The following LRP1B variants were observed in gnomAD, a reference collection of about 807,000 sequenced individuals.
The protein encoded by LRP1B is low-density lipoprotein receptor-related protein 1B.
In LRP1B, 217 loss-of-function variants were observed where a neutral mutation model predicts 556.6. The observed-to-expected ratio is 0.39, with a 90% CI of 0.35 to 0.44. The LOEUF (loss-of-function observed/expected upper bound fraction) is 0.44, where lower values mean the gene tolerates loss of function less well. Ranked by LOEUF, LRP1B falls within the 20% of genes least tolerant of loss-of-function variation. LRP1B has a pLI of 1.00. For synonymous variants in LRP1B, 2,047 were observed against 1,865.8 expected (o/e 1.10, Z -2.50); for missense variants, 5,053 against 5,620.8 (o/e 0.90, Z 3.23).
chr2:140,354,529 A>G (rs931328338), intron 75 of LRP1B, among the ~76,000 whole-genome samples: 1 of 152,208 alleles, frequency 6.6e-6, no homozygotes, highest in Admixed American at 6.6e-5. Flanking sequence ...TCACGATTAC[A>G]ACAAATATTT....
At chr2:141,103,555 T>C (rs1291323708) in intron 7 of LRP1B, among the ~76,000 whole-genome samples, 1 of 146,330 alleles carries the variant, frequency 6.8e-6, no homozygotes, top group East Asian at 1.9e-4. Context: ...CAGCTGGTGA[T>C]TGAAAACAAG....
chr2:140,734,763 G>A (rs1463014085), intron 35 of LRP1B, among the ~76,000 whole-genome samples: 1 of 151,708 alleles, frequency 6.6e-6, no homozygotes, highest in Non-Finnish European at 1.5e-5. Context: ...TACTAACGGA[G>A]GCCCTTTCCT....
At chr2:142,091,084 A>G (rs1049832281) in intron 1 of LRP1B, among the ~76,000 whole-genome samples, 2 of 152,098 alleles carry the variant, frequency 1.3e-5, no homozygotes, top group Admixed American at 1.3e-4. Context: ...AGTAGATAAA[A>G]TCTGCCTGAA....
At chr2:141,766,188 A>C (rs1694727380) in intron 2 of LRP1B, among the ~76,000 whole-genome samples, 1 of 152,218 alleles carries the variant, frequency 6.6e-6, no homozygotes, top group Non-Finnish European at 1.5e-5. Flanking sequence ...ATAGATTTTC[A>C]GGCAGCTTAA....
rs78366782 is a variant in LRP1B, at chr2:140,700,704, T to G, written c.6428-83A>C. ...AACAAAATTCTCCATAAAGAAATATTAAAACTTTGATGTTGAATATTCTCT... is the reference window on the plus strand; with the variant it reads ...AACAAAATTCTCCATAAAGAAATATGAAAACTTTGATGTTGAATATTCTCT... On this transcript the variant is annotated intron_variant, in intron 40 of 90. Coordinates refer to ENST00000389484, the MANE Select transcript of LRP1B (RefSeq NM_018557.3). 22,584 of 1,406,388 alleles carry G rather than the reference T, an allele frequency of 0.016. 1,423 individuals carry two copies. The East Asian group carries it at 0.23, about 14-fold the overall frequency. The allele number at this position is 1,406,388 out of a possible 1,614,324, so 87.1% of individuals were successfully genotyped here.
rs190916866 is a variant in LRP1B at position 141,179,715 on chromosome 2, C to A, written c.1013+8706G>T. ...CCACCATTATCATCTGGAGAAGAAACCAACTTACATCAGAAAACATCCCCT... is the reference window on the plus strand; with the variant it reads ...CCACCATTATCATCTGGAGAAGAAAACAACTTACATCAGAAAACATCCCCT... On this transcript the variant is annotated intron_variant, in intron 7 of 90. Transcript: ENST00000389484. Among the ~76,000 whole-genome samples, 350 of 151,936 alleles carry A rather than the reference C, an allele frequency of 2.3e-3. 1 individual carries two copies. The highest frequency in any genetic ancestry group is 7.5e-3 in the African/African-American group (311 of 41,476).
At chr2:140,626,308 T>A (rs1413245857) in intron 41 of LRP1B, among the ~76,000 whole-genome samples, 3 of 152,166 alleles carry the variant, frequency 2.0e-5, no homozygotes, top group Non-Finnish European at 2.9e-5. Context: ...TGTCATTATA[T>A]ATTTGTTGAA....
At chr2:140,770,238 C>T (rs1486604045) in intron 34 of LRP1B, among the ~76,000 whole-genome samples, 1 of 151,516 alleles carries the variant, frequency 6.6e-6, no homozygotes, top group African/African-American at 2.4e-5. Flanking sequence ...ACATAAGTAT[C>T]ATATAAATAT....
chr2:142,125,210 CAGATTAT>C (rs984897949), intron 1 of LRP1B, among the ~76,000 whole-genome samples: 39 of 151,740 alleles, frequency 2.6e-4, no homozygotes, highest in African/African-American at 8.4e-4. Flanking sequence ...ATTGTGAGGG[CAGATTAT>C]AGAAGACAAA....
At chr2:140,668,887 A>T (rs1685382503) in intron 41 of LRP1B, among the ~76,000 whole-genome samples, 1 of 152,258 alleles carries the variant, frequency 6.6e-6, no homozygotes, top group African/African-American at 2.4e-5. Context: ...GAAAATGTAA[A>T]ATACGGGACT....
chr2:140,656,779 A>G (rs1335622519), intron 41 of LRP1B, among the ~76,000 whole-genome samples: 1 of 152,170 alleles, frequency 6.6e-6, no homozygotes, highest in Non-Finnish European at 1.5e-5. Flanking sequence ...TAGTGAGGAA[A>G]TGTATGAAAG....
intron 41 of LRP1B, among the ~76,000 whole-genome samples, chr2:140,640,370 C>T (rs1159111601): frequency 7.1e-6 from 1 of 140,892 alleles, no homozygotes; most frequent in Non-Finnish European, 1.5e-5. Flanking sequence ...CCACTATTCC[C>T]TTGTCCTGTT....
At chr2:141,223,579 A>G (rs935910609) in intron 6 of LRP1B, among the ~76,000 whole-genome samples, 1 of 152,154 alleles carries the variant, frequency 6.6e-6, no homozygotes, top group South Asian at 2.1e-4. Context: ...AACTAAGCCA[A>G]TCCCAAGAAA....
chr2:140,867,849 A>G lies in LRP1B; in HGVS notation c.4335-15T>C. 2 of 1,506,632 alleles carry G rather than the reference A, an allele frequency of 1.3e-6. No individual in the cohort carries two copies. Among genetic ancestry groups the G allele is most frequent in the Middle Eastern group, 1.8e-4 (1 of 5,578 alleles). The allele number at this position is 1,506,632 out of a possible 1,614,324, so 93.3% of individuals were successfully genotyped here. On this transcript the variant is annotated splice_polypyrimidine_tract_variant and intron_variant, in intron 26 of 90. Transcript: ENST00000389484. ...TAGCATCTGACCTACAGAAAGATAAATACATGAGTAGTTTGTCAAAACTCA... is the reference window on the plus strand; with the variant it reads ...TAGCATCTGACCTACAGAAAGATAAGTACATGAGTAGTTTGTCAAAACTCA...
At chr2:140,609,133 A>G (rs1682977604) in intron 41 of LRP1B, among the ~76,000 whole-genome samples, 1 of 152,158 alleles carries the variant, frequency 6.6e-6, no homozygotes, top group Non-Finnish European at 1.5e-5. Context: ...AGAGCAGAGC[A>G]TGAACTCCGC....
At chr2:141,797,891 T>C (rs1252851959) in intron 2 of LRP1B, among the ~76,000 whole-genome samples, 2 of 152,110 alleles carry the variant, frequency 1.3e-5, no homozygotes, top group Non-Finnish European at 2.9e-5. Flanking sequence ...AACATCAATA[T>C]CATAATAAAC....
At chr2:140,574,639 C>A (rs1681449945) in intron 43 of LRP1B, among the ~76,000 whole-genome samples, 1 of 152,108 alleles carries the variant, frequency 6.6e-6, no homozygotes, top group African/African-American at 2.4e-5. Flanking sequence ...TTGGCAGCTG[C>A]CAGGAAGATG....
intron 1 of LRP1B, among the ~76,000 whole-genome samples, chr2:141,952,814 G>GA (rs1701143890): frequency 6.6e-6 from 1 of 151,936 alleles, no homozygotes; most frequent in Non-Finnish European, 1.5e-5. Context: ...GCTTACTGTT[G>GA]AAAAAATAAG....
intron 56 of LRP1B, among the ~76,000 whole-genome samples, chr2:140,493,355 T>C (rs1462838765): frequency 6.6e-6 from 1 of 152,198 alleles, no homozygotes; most frequent in East Asian, 1.9e-4. Flanking sequence ...GATAAAGATC[T>C]GAGCATTCTC....
Sources: allele counts gnomAD v4.1 joint callset (sites outside exome capture counted in the v4.1 genomes callset), GRCh38; gene constraint gnomAD v4.1.1; transcripts MANE v1.5; gene names NCBI Gene and HGNC (gene_info 2026-07-23, HGNC 2026-07-21).